The following ATP2C1 variants were observed in gnomAD, a reference collection of about 807,000 sequenced individuals.
ATP2C1 encodes calcium-transporting ATPase type 2C member 1.
A neutral mutation model predicts 120.5 loss-of-function variants in ATP2C1; 31 were observed. That is an observed-to-expected ratio of 0.26 (90% CI 0.19 to 0.35). The LOEUF (loss-of-function observed/expected upper bound fraction) is 0.35. Among genes scored for constraint, ATP2C1 ranks in the 10% least tolerant of loss-of-function variants. The probability of loss-of-function intolerance (pLI) is 1.00; values close to 1 mark genes in which losing one functional copy is unlikely to be tolerated. For missense variants in ATP2C1, 731 were observed against 1,107.5 expected (o/e 0.66, Z 4.83); for synonymous variants, 351 against 358.7 (o/e 0.98, Z 0.24).
chr3:130,944,998 C>A (rs914121662), intron 8 of ATP2C1, among the ~76,000 whole-genome samples: 1 of 152,010 alleles, frequency 6.6e-6, no homozygotes, highest in Non-Finnish European at 1.5e-5. Context: ...TTTAAAAGTT[C>A]GTATTTTTTT....
At chr3:130,911,667 C>G (rs1490665618) in intron 2 of ATP2C1, among the ~76,000 whole-genome samples, 1 of 152,076 alleles carries the variant, frequency 6.6e-6, no homozygotes, top group African/African-American at 2.4e-5. Context: ...GTGAAAATGG[C>G]CATACTGCCC....
chr3:130,877,931 A>G (rs892299832), intron 1 of ATP2C1, among the ~76,000 whole-genome samples: 4 of 152,300 alleles, frequency 2.6e-5, no homozygotes, highest in African/African-American at 9.6e-5. Flanking sequence ...AATGTGGCAC[A>G]TATACACCAT....
chr3:130,931,213 T>A (rs1253511497), intron 3 of ATP2C1, among the ~76,000 whole-genome samples: 1 of 152,088 alleles, frequency 6.6e-6, no homozygotes, highest in African/African-American at 2.4e-5. Context: ...GAAAGGCTCC[T>A]TTATTGGACT....
chr3:130,905,351 G>C (rs1470072478), intron 2 of ATP2C1, among the ~76,000 whole-genome samples: 1 of 151,912 alleles, frequency 6.6e-6, no homozygotes, highest in Non-Finnish European at 1.5e-5. Flanking sequence ...GGTCCATTTT[G>C]GTCTTTTTTC....
In ATP2C1 at chr3:131,002,033, TA is replaced by T; in HGVS notation, c.*684del. Reference sequence around the variant, plus strand: ...TTGCTTTATTTTTATTTTAAAAAGGTATGTCTTTGGTTTGGCAGAATTCATG... The same window carrying T: ...TTGCTTTATTTTTATTTTAAAAAGGTTGTCTTTGGTTTGGCAGAATTCATG... On this transcript the variant is annotated 3_prime_UTR_variant, in exon 28 of 28. Transcript: ENST00000510168. 1 of 985,248 alleles carries T rather than the reference TA, an allele frequency of 1.0e-6. No homozygotes were observed. Among genetic ancestry groups the T allele is most frequent in the South Asian group, 4.7e-5 (1 of 21,278 alleles). The allele number at this position is 985,248 out of a possible 1,614,324, so 61.0% of individuals were successfully genotyped here.
Position 130,894,693 on chromosome 3 carries a change from C to T in ATP2C1, c.-77C>T, listed in dbSNP as rs901619694. The T allele has an allele frequency of 4.3e-6, 7 of 1,613,952 alleles. No individual in the cohort carries two copies. Among genetic ancestry groups the T allele is most frequent in the South Asian group, 1.1e-5 (1 of 91,066 alleles). On this transcript the variant is annotated 5_prime_UTR_variant, in exon 2 of 28. Transcript: ENST00000510168. This position sits in a 1 kb window ranked among gnomAD's most constrained non-coding sequence, Gnocchi z 4.5. Reference sequence around the variant, plus strand: ...CTTCTCTTCCTTGTCCTCCTCCTCTCCTCTCTATTCCCAGTGTGGCCGTGG... The same window carrying T: ...CTTCTCTTCCTTGTCCTCCTCCTCTTCTCTCTATTCCCAGTGTGGCCGTGG...
chr3:130,889,647 T>C (rs1246051767), upstream of ATP2C1, among the ~76,000 whole-genome samples: 4 of 145,512 alleles, frequency 2.7e-5, no homozygotes, highest in South Asian at 6.7e-4. Context: ...ACTTTTTTTT[T>C]TTTTTTTTTT....
chr3:130,993,039 A>T, intron 21 of ATP2C1, 38 bp downstream of exon 21: 1 of 1,550,070 alleles, frequency 6.5e-7, no homozygotes. Context: ...ATTTCTGTAT[A>T]CAAAATGCTG....
exon 27 of ATP2C1, chr3:131,016,259 T>C: frequency 6.2e-7 from 1 of 1,614,196 alleles, no homozygotes. Flanking sequence ...TCCAGTCTTG[T>C]GCCCAGCCGT....
At chr3:130,867,143 T>C (rs2068205193) in intron 1 of ATP2C1, among the ~76,000 whole-genome samples, 1 of 152,192 alleles carries the variant, frequency 6.6e-6, no homozygotes, top group African/African-American at 2.4e-5. Flanking sequence ...TGACCAGTGA[T>C]TTCCCCAGCT....
At chr3:130,856,553 A>G (rs2067847723) in intron 1 of ATP2C1, among the ~76,000 whole-genome samples, 1 of 152,246 alleles carries the variant, frequency 6.6e-6, no homozygotes, top group Non-Finnish European at 1.5e-5. Flanking sequence ...CATTGTAAAA[A>G]GTCTTTTTGA....
At chr3:130,918,239 C>A (rs1576706386) in intron 2 of ATP2C1, 16 of 1,490,350 alleles carry the variant, frequency 1.1e-5, no homozygotes, top group Admixed American at 8.4e-5. Context: ...TGAACAAGAG[C>A]CCTCTCCTTG....
chr3:130,991,097 T>C (rs1560022469), intron 20 of ATP2C1, among the ~76,000 whole-genome samples: 3 of 152,094 alleles, frequency 2.0e-5, no homozygotes, highest in Admixed American at 6.6e-5. Context: ...CTGAGACCTC[T>C]TATAGAGAAA....
chr3:130,930,504 G>A lies in ATP2C1; in HGVS notation c.95G>A (p.Ser32Asn). 5.0e-6 allele frequency: 8 copies of A among 1,611,370 alleles called. No homozygotes were observed. Among genetic ancestry groups the A allele is most frequent in the Non-Finnish European group, 5.9e-6 (7 of 1,177,560 alleles). Residue 32 changes from serine to asparagine, a missense_variant, in exon 3 of 28, where the codon AGT becomes AAT. This residue lies in a region of ATP2C1 where 571 missense variants were observed against 845.9 expected (regional missense o/e 0.67). Transcript: ENST00000510168. The part of the protein sequence containing the change: ...TSKKASELPV[S>N]EVASILQADL... Reference sequence around the variant, plus strand: ...AAAAAAGCAAGTGAATTACCAGTCAGTGAAGTTGCAAGCATTCTCCAAGTA... The same window carrying A: ...AAAAAAGCAAGTGAATTACCAGTCAATGAAGTTGCAAGCATTCTCCAAGTA...
chr3:130,906,455 A>C (rs910409754), intron 2 of ATP2C1, among the ~76,000 whole-genome samples: 1 of 152,088 alleles, frequency 6.6e-6, no homozygotes, highest in Non-Finnish European at 1.5e-5. Context: ...TTTTTGTCAA[A>C]AAATAACACT....
intron 2 of ATP2C1, 47 bp from the exon 3 acceptor site, chr3:130,930,369 A>G: frequency 8.4e-7 from 1 of 1,196,738 alleles, no homozygotes. Context: ...ACTGCATTAC[A>G]CTTGTTTGCT....
At chr3:130,885,887 C>A (rs533450224) in intron 1 of ATP2C1, among the ~76,000 whole-genome samples, 37 of 152,130 alleles carry the variant, frequency 2.4e-4, no homozygotes, top group African/African-American at 8.2e-4. Context: ...TGGGGGTACA[C>A]GTGAAGGTTT....
At chr3:130,909,509 T>C (rs563298580) in intron 2 of ATP2C1, among the ~76,000 whole-genome samples, 1 of 152,170 alleles carries the variant, frequency 6.6e-6, no homozygotes, top group Non-Finnish European at 1.5e-5. Flanking sequence ...CTTCCACTGA[T>C]CATCTTAAGA....
chr3:130,954,924 A>G (rs1007803186), intron 9 of ATP2C1, 88 bp from the exon 10 acceptor site: 9 of 902,328 alleles, frequency 1.0e-5, no homozygotes, highest in African/African-American at 1.6e-5. Flanking sequence ...TGTAGGTAAG[A>G]CTTTGAAAGT....
Sources: allele counts gnomAD v4.1 joint callset (sites outside exome capture counted in the v4.1 genomes callset), GRCh38; gene constraint gnomAD v4.1.1; regional missense constraint gnomAD v4.1.1; non-coding constraint Gnocchi (gnomAD v3.1); transcripts MANE v1.5; gene names NCBI Gene and HGNC (gene_info 2026-07-23, HGNC 2026-07-21).